The following PCDH11Y variants were observed in gnomAD, a reference collection of about 807,000 sequenced individuals.
The protein encoded by PCDH11Y is protocadherin-11 Y-linked.
For synonymous variants in PCDH11Y, 9 were observed against 83.6 expected, an observed-to-expected ratio of 0.11 and a Z score of 4.87; for missense variants, 12 against 224.8, an observed-to-expected ratio of 0.05 and a Z score of 6.05.
intron 1 of PCDH11Y, among the ~76,000 whole-genome samples, chrY:5,008,027 G>A: frequency 3.3e-5 from 1 of 30,130 alleles, no homozygotes; most frequent in African/African-American, 1.3e-4. Context: ...TTTGCACTAA[G>A]CTTTGTAAAC....
intron 2 of PCDH11Y, among the ~76,000 whole-genome samples, chrY:5,113,229 A>T (rs2052804243): frequency 2.9e-5 from 1 of 34,331 alleles, no homozygotes; most frequent in Admixed American, 2.6e-4. Flanking sequence ...GGTATAGCTC[A>T]TTATCTGTGC....
chrY:5,049,380 A>G (rs2052647784), intron 3 of PCDH11Y, among the ~76,000 whole-genome samples: 1 of 29,613 alleles, frequency 3.4e-5, no homozygotes, highest in Non-Finnish European at 7.9e-5. Flanking sequence ...TTTGTTCCAT[A>G]TGAATTTTAA....
intron 2 of PCDH11Y, among the ~76,000 whole-genome samples, chrY:5,122,311 C>T: frequency 3.0e-5 from 1 of 33,099 alleles, no homozygotes; most frequent in African/African-American, 1.2e-4. Context: ...CCCTTCTTAG[C>T]CTGTTGACTT....
downstream of PCDH11Y, among the ~76,000 whole-genome samples, chrY:5,107,613 T>C: frequency 3.0e-5 from 1 of 33,158 alleles, no homozygotes; most frequent in Non-Finnish European, 7.4e-5. Context: ...TTGATATTAT[T>C]ATTACGTTTG....
At chrY:5,480,909 G>A in intron 2 of PCDH11Y, among the ~76,000 whole-genome samples, 1 of 33,265 alleles carries the variant, frequency 3.0e-5, no homozygotes, top group Admixed American at 2.7e-4. Flanking sequence ...CACCAAGCTC[G>A]ATCATCTCAG....
At chrY:5,312,014 T>G in intron 2 of PCDH11Y, among the ~76,000 whole-genome samples, 1 of 31,012 alleles carries the variant, frequency 3.2e-5, no homozygotes, top group Non-Finnish European at 7.8e-5. Flanking sequence ...GTAAGTTGTT[T>G]GGCATGAGGC....
intron 3 of PCDH11Y, among the ~76,000 whole-genome samples, chrY:5,531,650 A>T: frequency 6.1e-5 from 2 of 32,721 alleles, no homozygotes; most frequent in Non-Finnish European, 1.5e-4. Flanking sequence ...AATGCTTTGT[A>T]TTGCCCCTTT....
At chrY:5,229,013 G>A in intron 2 of PCDH11Y, among the ~76,000 whole-genome samples, 1 of 32,489 alleles carries the variant, frequency 3.1e-5, no homozygotes, top group Non-Finnish European at 7.5e-5. Flanking sequence ...CAATGCTGAA[G>A]GTCTGGTGGT....
intron 2 of PCDH11Y, among the ~76,000 whole-genome samples, chrY:5,379,635 G>T (rs2053202926): frequency 3.1e-5 from 1 of 32,492 alleles, no homozygotes; most frequent in Non-Finnish European, 7.6e-5. Context: ...GACACAAGCG[G>T]CTGGTCATCC....
chrY:5,586,622 A>G, intron 4 of PCDH11Y, among the ~76,000 whole-genome samples: 1 of 30,998 alleles, frequency 3.2e-5, no homozygotes, highest in Non-Finnish European at 7.9e-5. Context: ...ATTATTTGTT[A>G]TGGATATGTT....
At chrY:5,163,021 A>G (rs2124644570) in intron 2 of PCDH11Y, among the ~76,000 whole-genome samples, 2 of 31,489 alleles carry the variant, frequency 6.4e-5, no homozygotes, top group South Asian at 1.4e-3. Context: ...CACAAGAAAC[A>G]TGAAGAAAAC....
chrY:5,559,434 A>C, intron 3 of PCDH11Y, among the ~76,000 whole-genome samples: 2 of 33,386 alleles, frequency 6.0e-5, no homozygotes, highest in African/African-American at 2.4e-4. Context: ...TGGACTCAGG[A>C]GTGTACTATC....
chrY:5,461,006 GAAAATGT>G (rs2053302713), intron 2 of PCDH11Y, among the ~76,000 whole-genome samples: 1 of 32,619 alleles, frequency 3.1e-5, no homozygotes, highest in East Asian at 8.1e-4. Flanking sequence ...TTTTTCCCTA[GAAAATGT>G]ATTACATGGT....
At chrY:5,599,898 G>A (rs2053470920) in intron 4 of PCDH11Y, among the ~76,000 whole-genome samples, 1 of 32,068 alleles carries the variant, frequency 3.1e-5, no homozygotes, top group Admixed American at 2.9e-4. Context: ...AACATTTTTA[G>A]CATATATTAA....
chrY:5,072,495 T>C (rs2124630890), intron 1 of PCDH11Y, among the ~76,000 whole-genome samples: 1 of 31,009 alleles, frequency 3.2e-5, no homozygotes, highest in African/African-American at 1.3e-4. Flanking sequence ...TATTGTGTTT[T>C]TTTTCTGCAC....
At chrY:5,630,419 A>T (rs2053511460) in intron 4 of PCDH11Y, among the ~76,000 whole-genome samples, 1 of 33,047 alleles carries the variant, frequency 3.0e-5, no homozygotes, top group South Asian at 6.7e-4. Context: ...AATTGTATTG[A>T]CTCCAGGAAG....
At chrY:5,574,393 G>C in intron 3 of PCDH11Y, 1 of 349,102 alleles carries the variant, frequency 2.9e-6, no homozygotes. Flanking sequence ...TGGCAAAGTG[G>C]TGTCTGAGAC....
intron 3 of PCDH11Y, among the ~76,000 whole-genome samples, chrY:5,567,704 A>G (rs2124695998): frequency 3.5e-5 from 1 of 28,508 alleles, no homozygotes; most frequent in South Asian, 7.7e-4. Context: ...TTTATATATA[A>G]TCAGTATATA....
chrY:5,311,474 G>GAT (rs752106921), intron 2 of PCDH11Y, among the ~76,000 whole-genome samples: 311 of 14,212 alleles, frequency 0.022, no homozygotes, highest in African/African-American at 0.081. Context: ...AAAGAGAAAA[G>GAT]ATATATATAT....
Sources: allele counts gnomAD v4.1 joint callset (sites outside exome capture counted in the v4.1 genomes callset), GRCh38; gene constraint gnomAD v4.1.1; transcripts MANE v1.5; gene names NCBI Gene and HGNC (gene_info 2026-07-23, HGNC 2026-07-21).